The following FRMD5 variants were observed in gnomAD, a reference collection of about 807,000 sequenced individuals.
The protein encoded by FRMD5 is FERM domain-containing protein 5.
A neutral mutation model predicts 69.0 loss-of-function variants in FRMD5; 20 were observed. The ratio of observed to expected loss-of-function variants is 0.29; its 90% CI spans 0.20 to 0.42. The LOEUF (loss-of-function observed/expected upper bound fraction) is 0.42. FRMD5 is among the 10% of genes least tolerant of loss of function. The pLI, the probability that FRMD5 is intolerant of heterozygous loss-of-function variation, is 1.00. For synonymous variants in FRMD5, 271 were observed against 260.1 expected (o/e 1.04, Z -0.40); for missense variants, 595 against 708.6 (o/e 0.84, Z 1.82).
chr15:43,947,908 T>A (rs1188511185), intron 1 of FRMD5, among the ~76,000 whole-genome samples: 16 of 152,202 alleles, frequency 1.1e-4, no homozygotes, highest in Admixed American at 9.8e-4. Context: ...CTGGCAATTT[T>A]TAATAACTAT....
chr15:43,918,252 C>T lies in FRMD5; in HGVS notation c.329+1207G>A, dbSNP rs937650101. ...CAGCCTGGTTAACATGGTGAAACCC[C>T]GTCTCTACTAAAAATACAAAAATTA... On this transcript the variant is annotated intron_variant, in intron 4 of 13. Transcript: ENST00000417257. Among the ~76,000 whole-genome samples, 22 of 152,204 alleles carry T rather than the reference C, an allele frequency of 1.4e-4. 1 individual carries two copies. Among genetic ancestry groups the T allele is most frequent in the Admixed American group, 8.5e-4 (13 of 15,288 alleles).
At chr15:43,963,244 A>G (rs1664323671) in intron 1 of FRMD5, among the ~76,000 whole-genome samples, 1 of 152,238 alleles carries the variant, frequency 6.6e-6, no homozygotes, top group Admixed American at 6.5e-5. Flanking sequence ...AAAGTGGGCA[A>G]AGGATATGAA....
chr15:44,058,878 T>C (rs1205151018), intron 1 of FRMD5, among the ~76,000 whole-genome samples: 1 of 151,344 alleles, frequency 6.6e-6, no homozygotes, highest in Non-Finnish European at 1.5e-5. Flanking sequence ...GAGGAACAAA[T>C]AGGCATTTTT....
intron 1 of FRMD5, among the ~76,000 whole-genome samples, chr15:44,152,730 T>C (rs988957736): frequency 1.3e-5 from 2 of 152,244 alleles, no homozygotes; most frequent in African/African-American, 4.8e-5. Context: ...ATACATTTAC[T>C]GACCATCTGG....
chr15:43,944,544 C>G (rs181944312), intron 1 of FRMD5, among the ~76,000 whole-genome samples: 3 of 152,160 alleles, frequency 2.0e-5, no homozygotes, highest in South Asian at 4.1e-4. Context: ...ATTCTCTTGC[C>G]TCAGCTTCCT....
At position 43,873,199 on chromosome 15, in the gene FRMD5, C is replaced by T. The variant is rs753979027; in HGVS notation, c.*686G>A. ...ACCCCTGATGCTGCTGTTGCTGTAG[C>T]GGTGGTCCCTTCAGATGCCCACTCT... On this transcript the variant is annotated 3_prime_UTR_variant, in exon 14 of 14. Transcript: ENST00000417257. 9 of 1,550,356 alleles carry T rather than the reference C, an allele frequency of 5.8e-6. No individual in the cohort carries two copies. Among genetic ancestry groups the T allele is most frequent in the African/African-American group, 1.4e-5 (1 of 73,012 alleles).
intron 1 of FRMD5, among the ~76,000 whole-genome samples, chr15:44,126,636 A>G (rs2077028049): frequency 6.6e-6 from 1 of 152,144 alleles, no homozygotes; most frequent in Non-Finnish European, 1.5e-5. Context: ...CCACACTCCA[A>G]GGACCCTCTA....
intron 1 of FRMD5, among the ~76,000 whole-genome samples, chr15:44,173,026 A>G (rs2077831307): frequency 6.6e-6 from 1 of 152,224 alleles, no homozygotes; most frequent in Non-Finnish European, 1.5e-5. Context: ...GCTTGTCATC[A>G]TTATTGGAGC....
intron 1 of FRMD5, among the ~76,000 whole-genome samples, chr15:44,167,506 T>A (rs546105977): frequency 6.6e-6 from 1 of 152,348 alleles, no homozygotes; most frequent in South Asian, 2.1e-4. Flanking sequence ...TTTGGCCTAC[T>A]ACCTTTTGAG....
intron 1 of FRMD5, among the ~76,000 whole-genome samples, chr15:44,122,613 T>C (rs2076969295): frequency 6.6e-6 from 1 of 152,072 alleles, no homozygotes. Flanking sequence ...TGGCTGGGCA[T>C]GGTGCTCACA....
chr15:43,893,195 G>A (rs368667409), intron 7 of FRMD5, among the ~76,000 whole-genome samples: 2 of 152,130 alleles, frequency 1.3e-5, no homozygotes, highest in Non-Finnish European at 2.9e-5. Flanking sequence ...AAAGAGTGGG[G>A]GAGTTGTTAT....
chr15:44,069,367 C>A (rs1349125856), intron 1 of FRMD5, among the ~76,000 whole-genome samples: 2 of 152,096 alleles, frequency 1.3e-5, no homozygotes, highest in Non-Finnish European at 2.9e-5. Flanking sequence ...CACACAAAAA[C>A]CTTTACACAA....
chr15:44,033,928 G>C (rs1891796854), intron 1 of FRMD5, among the ~76,000 whole-genome samples: 1 of 152,176 alleles, frequency 6.6e-6, no homozygotes, highest in Non-Finnish European at 1.5e-5. Flanking sequence ...TTCAATAAAA[G>C]GTGATTAGGA....
Position 43,873,947 on chromosome 15 carries a change from G to A in FRMD5, c.1651C>T (p.Pro551Ser), listed in dbSNP as rs1215587973. The A allele has an allele frequency of 6.2e-7, 1 of 1,614,216 alleles. No homozygotes were observed. Among genetic ancestry groups the A allele is most frequent in the Non-Finnish European group, 8.5e-7 (1 of 1,180,040 alleles). Residue 551 changes from proline (P) to serine (S), a missense_variant, in exon 14 of 14, where the codon CCC becomes TCC. Transcript: ENST00000417257. ...FEQFHYQYFCPLRRWFACKIR... is the reference protein window; with the variant it reads ...FEQFHYQYFCSLRRWFACKIR... ...TTGCAGGCAAACCATCGCCTGAGGG[G>A]ACAAAAGTATTGATAGTGGAATTGT...
chr15:43,955,641 GTTTGTT>G (rs2090103077), intron 1 of FRMD5, among the ~76,000 whole-genome samples: 1 of 142,562 alleles, frequency 7.0e-6, no homozygotes, highest in African/African-American at 2.6e-5. Context: ...ACCTGAATAA[GTTTGTT>G]TTTGTTAAGC....
upstream of FRMD5, among the ~76,000 whole-genome samples, chr15:44,198,271 G>A (rs1257700914): frequency 1.4e-5 from 2 of 147,448 alleles, no homozygotes; most frequent in African/African-American, 2.5e-5. Context: ...AGGTTGCTGT[G>A]AGCCAAGATC....
chr15:43,991,130 G>A (rs1239632483), intron 1 of FRMD5, among the ~76,000 whole-genome samples: 1 of 152,152 alleles, frequency 6.6e-6, no homozygotes, highest in African/African-American at 2.4e-5. Context: ...ACCTGTACAG[G>A]TCTCTGCCAG....
chr15:44,066,378 G>A (rs770426047), intron 1 of FRMD5, among the ~76,000 whole-genome samples: 2 of 152,172 alleles, frequency 1.3e-5, no homozygotes, highest in Non-Finnish European at 2.9e-5. Flanking sequence ...CCACACAGTC[G>A]TTTACGATGT....
chr15:44,160,214 C>T (rs1463126012), intron 1 of FRMD5, among the ~76,000 whole-genome samples: 2 of 152,114 alleles, frequency 1.3e-5, no homozygotes, highest in African/African-American at 4.8e-5. Flanking sequence ...ATTAGCTGGG[C>T]GTGGTGCCAC....
Sources: gnomAD v4.1 joint callset for allele counts (sites outside exome capture counted in the v4.1 genomes callset) on GRCh38, gnomAD v4.1.1 for gene constraint, MANE v1.5 for transcripts, NCBI Gene and HGNC (gene_info 2026-07-23, HGNC 2026-07-21) for gene names.